RAB9B: variants seen among roughly 807,000 people sequenced by gnomAD.
RAB9B encodes the protein RAB9B, member RAS oncogene family, also known as ras-related protein Rab-9B.
RAB9B carries 1 observed loss-of-function variant against 8.9 expected under a neutral mutation model. The ratio of observed to expected loss-of-function variants is 0.11; its 90% CI spans 0.04 to 0.53. RAB9B has a LOEUF of 0.53. Among genes scored for constraint, RAB9B ranks in the 20% least tolerant of loss-of-function variants. The pLI, the probability that RAB9B is intolerant of heterozygous loss-of-function variation, is 0.93. For synonymous variants in RAB9B, 63 were observed against 57.0 expected, an observed-to-expected ratio of 1.10 and a Z score of -0.47; for missense variants, 82 against 152.9, an observed-to-expected ratio of 0.54 and a Z score of 2.45.
chrX:103,791,577 T>C, the RAB9B span: 1 of 112,572 alleles, frequency 8.9e-6, no homozygotes, highest in Non-Finnish European at 1.9e-5. Flanking sequence ...CTGTCATATC[T>C]TCACAATGGT....
At chrX:103,810,480 T>A in the RAB9B span, among the ~76,000 whole-genome samples, 1 of 112,322 alleles carries the variant, frequency 8.9e-6, no homozygotes, top group Non-Finnish European at 1.9e-5. Flanking sequence ...ATCTGCATTT[T>A]AACAAAGCCC....
At chrX:103,816,001 C>T in the RAB9B span, among the ~76,000 whole-genome samples, 1 of 111,890 alleles carries the variant, frequency 8.9e-6, no homozygotes, top group East Asian at 2.8e-4. Flanking sequence ...AATGGTCTTA[C>T]CGCCCAAAGT....
At chrX:103,791,989 C>G in the RAB9B span, 1 of 111,558 alleles carries the variant, frequency 9.0e-6, no homozygotes, top group Non-Finnish European at 1.9e-5. Context: ...TGATATAGAT[C>G]ACATAACAGA....
At chrX:103,828,362 C>CT (rs2074691500) in intron 1 of RAB9B, among the ~76,000 whole-genome samples, 1 of 112,130 alleles carries the variant, frequency 8.9e-6, no homozygotes, top group African/African-American at 3.2e-5. Flanking sequence ...CCTCTTTTTC[C>CT]TGCTCCCAAA....
chrX:103,811,248 C>T, the RAB9B span, among the ~76,000 whole-genome samples: 1 of 112,022 alleles, frequency 8.9e-6, no homozygotes, highest in Non-Finnish European at 1.9e-5. Flanking sequence ...TTGGACAAAA[C>T]AACCTACTAG....
At chrX:103,799,894 G>A in the RAB9B span, among the ~76,000 whole-genome samples, 5 of 111,109 alleles carry the variant, frequency 4.5e-5, no homozygotes, top group Non-Finnish European at 7.5e-5. Context: ...TGCGGGGCGG[G>A]GGACTCCTTG....
At chrX:103,786,447 G>C in the RAB9B span, 1 of 1,205,796 alleles carries the variant, frequency 8.3e-7, no homozygotes, top group Non-Finnish European at 1.1e-6. Flanking sequence ...GGTCTCGTTT[G>C]TCTACCTGTT....
the RAB9B span, among the ~76,000 whole-genome samples, chrX:103,808,031 GA>G: frequency 2.0e-3 from 221 of 111,959 alleles, 2 homozygotes; most frequent in East Asian, 0.022. Flanking sequence ...AGGAGAGCCA[GA>G]GTGGGGGAGA....
the RAB9B span, chrX:103,789,260 G>A: frequency 2.7e-6 from 2 of 751,895 alleles, no homozygotes; most frequent in African/African-American, 4.1e-5. Context: ...TCAGAAAGCT[G>A]TATTCATGAT....
the RAB9B span, chrX:103,791,962 T>G: frequency 8.9e-6 from 1 of 112,056 alleles, no homozygotes; most frequent in Non-Finnish European, 1.9e-5. Flanking sequence ...AGGTTTAACA[T>G]AAAGGTTATT....
the RAB9B span, chrX:103,776,894 C>G: frequency 1.3e-6 from 1 of 795,764 alleles, no homozygotes; most frequent in East Asian, 3.2e-5. Flanking sequence ...AGTAAAAGAC[C>G]GAAGAAGGAG....
chrX:103,817,934 CCT>C (rs1175003027), downstream of RAB9B, among the ~76,000 whole-genome samples: 3 of 111,252 alleles, frequency 2.7e-5, no homozygotes, highest in African/African-American at 9.8e-5. Flanking sequence ...CAAATAAGCA[CCT>C]CTCTTTCCCC....
Position 103,825,188 on chromosome X carries a change from C to T in RAB9B, c.597G>A (p.Ser199=), listed in dbSNP as rs142096547. 9 of 1,205,124 alleles carry T rather than the reference C, an allele frequency of 7.5e-6. No individual in the cohort carries two copies. In the East Asian group the frequency reaches 2.4e-4, roughly 32 times the overall value. Residue 199 remains serine (S), a synonymous_variant, in exon 3 of 3, where the codon TCG becomes TCA. Transcript: ENST00000243298. The part of the protein sequence containing the change: ...DLNSGSKAGS[S]CC ...AAAAGGCTCCCTATCTTTAACAGCA[C>T]GAAGACCCTGCTTTGGAGCCACTGT...
chrX:103,785,793 AC>A, the RAB9B span: 1 of 1,157,274 alleles, frequency 8.6e-7, no homozygotes, highest in Non-Finnish European at 1.2e-6. Context: ...TCCCACACAG[AC>A]CCATCTTTTT....
At chrX:103,810,801 G>A in the RAB9B span, among the ~76,000 whole-genome samples, 1 of 111,600 alleles carries the variant, frequency 9.0e-6, no homozygotes, top group Admixed American at 9.5e-5. Context: ...TATCAATCAT[G>A]CTTCTGCCAC....
At position 103,825,835 on chromosome X, in the gene RAB9B, A is replaced by G. The variant is rs751973831; in HGVS notation, c.-42-9T>C. 9.1e-7 allele frequency: 1 copy of G among 1,096,831 alleles called. No homozygotes were observed. The highest frequency in any genetic ancestry group is 1.2e-6 in the Non-Finnish European group (1 of 822,699). 90.4% of individuals were successfully genotyped at this position (1,096,831 alleles called of 1,213,427 possible). On this transcript the variant is annotated splice_polypyrimidine_tract_variant and intron_variant, in intron 2 of 2. Coordinates refer to ENST00000243298, the MANE Select transcript of RAB9B (RefSeq NM_016370.4). ...TTTGTAACCAAGAGAACCTGAAAAT[A>G]AAAGGAAAAGTAGGAGGGAAAACAG... is the stretch of plus-strand genomic sequence containing the variant.
the RAB9B span, among the ~76,000 whole-genome samples, chrX:103,783,657 G>A: frequency 8.9e-6 from 1 of 111,788 alleles, no homozygotes; most frequent in Non-Finnish European, 1.9e-5. Context: ...TAAATCACTA[G>A]GTATTCATGC....
At chrX:103,797,044 A>G in the RAB9B span, among the ~76,000 whole-genome samples, 1 of 103,670 alleles carries the variant, frequency 9.6e-6, no homozygotes, top group African/African-American at 3.5e-5. Context: ...AAATAAAACA[A>G]ACAAAATTAT....
chrX:103,817,530 T>C (rs2074644039), downstream of RAB9B, among the ~76,000 whole-genome samples: 5 of 110,027 alleles, frequency 4.5e-5, no homozygotes, highest in Admixed American at 3.9e-4. Context: ...TATACCTATG[T>C]TACAAATGTG....
Sources: allele counts gnomAD v4.1 joint callset (sites outside exome capture counted in the v4.1 genomes callset), GRCh38; gene constraint gnomAD v4.1.1; transcripts MANE v1.5; gene names NCBI Gene and HGNC (gene_info 2026-07-23, HGNC 2026-07-21).